Variants in GPC6 observed in about 807,000 individuals in gnomAD.
The protein encoded by GPC6 is glypican-6.
A neutral mutation model predicts 55.2 loss-of-function variants in GPC6; 14 were observed. That is an observed-to-expected ratio of 0.25 (90% CI 0.17 to 0.40). The LOEUF is 0.40. Among genes scored for constraint, GPC6 ranks in the 10% least tolerant of loss-of-function variants. GPC6 has a pLI of 1.00. For synonymous variants in GPC6, 278 were observed against 259.6 expected (o/e 1.07, Z -0.68); for missense variants, 641 against 708.5 (o/e 0.90, Z 1.08).
chr13:93,899,674 GA>G (rs1876237950), intron 3 of GPC6, among the ~76,000 whole-genome samples: 1 of 152,088 alleles, frequency 6.6e-6, no homozygotes, highest in Admixed American at 6.6e-5. Context: ...ACTCGTAAAC[GA>G]CATGATTGAC....
chr13:94,019,095 T>A (rs1167906411), intron 3 of GPC6, among the ~76,000 whole-genome samples: 2 of 152,210 alleles, frequency 1.3e-5, no homozygotes, highest in Non-Finnish European at 2.9e-5. Context: ...TAGGAAGTGT[T>A]ACCTCATCTT....
At chr13:93,336,104 CTG>C (rs540678782) in intron 1 of GPC6, among the ~76,000 whole-genome samples, 99 of 152,290 alleles carry the variant, frequency 6.5e-4, no homozygotes, top group African/African-American at 2.4e-3. Context: ...GTGTTTAACA[CTG>C]TTTATCAACA....
chr13:94,265,981 A>G (rs567573148), intron 4 of GPC6, among the ~76,000 whole-genome samples: 14 of 152,236 alleles, frequency 9.2e-5, no homozygotes, highest in African/African-American at 2.9e-4. Flanking sequence ...CTAGAGCCCA[A>G]CTGTCTTCTC....
At position 94,403,103 on chromosome 13, in the gene GPC6, C is replaced by T. The variant is rs1030400337; in HGVS notation, c.1554C>T (p.Pro518=). 2.5e-5 allele frequency: 41 copies of T among 1,613,574 alleles called. No homozygotes were observed. Among genetic ancestry groups the T allele is most frequent in the Middle Eastern group, 1.7e-4 (1 of 6,060 alleles). ...TTGAGTTTGTCACCACAGAGGCCCC[C>T]GCAGTGGATCCCGACCGGAGAGAGG... The part of the protein sequence containing the change: ...TEFEFVTTEA[P]AVDPDRREVD... The change falls in exon 9 of 9, where the codon CCC becomes CCT. Residue 518 remains proline (P), a synonymous_variant. Transcript: ENST00000377047.
chr13:94,201,534 C>T (rs1889748406), intron 4 of GPC6, among the ~76,000 whole-genome samples: 1 of 152,120 alleles, frequency 6.6e-6, no homozygotes, highest in Non-Finnish European at 1.5e-5. Flanking sequence ...TTCTTTTTCA[C>T]TTTTCCGATC....
chr13:93,745,612 T>C (rs969075269), intron 2 of GPC6, among the ~76,000 whole-genome samples: 5 of 152,326 alleles, frequency 3.3e-5, no homozygotes, highest in African/African-American at 9.6e-5. Context: ...GAAGAAACTG[T>C]ACTTCAAATT....
intron 4 of GPC6, among the ~76,000 whole-genome samples, chr13:94,272,463 C>CTTTTTTTTT (rs555664508): frequency 7.8e-4 from 67 of 85,740 alleles, no homozygotes; most frequent in Non-Finnish European, 1.0e-3. Context: ...CTTTTCTTTT[C>CTTTTTTTTT]TTTTTTTTTT....
intron 8 of GPC6, among the ~76,000 whole-genome samples, 184 bp from the exon 9 acceptor site, chr13:94,402,831 A>G (rs1157493509): frequency 6.6e-6 from 1 of 152,120 alleles, no homozygotes. Context: ...ATCTCGTGAG[A>G]ACTCACTCAC....
intron 5 of GPC6, among the ~76,000 whole-genome samples, chr13:94,287,616 T>G (rs1290218609): frequency 2.0e-5 from 3 of 152,102 alleles, no homozygotes; most frequent in Admixed American, 6.6e-5. Flanking sequence ...TAAGCCTTTT[T>G]GGGGGTTTTA....
At chr13:93,888,079 G>A (rs1300231246) in intron 3 of GPC6, among the ~76,000 whole-genome samples, 1 of 152,062 alleles carries the variant, frequency 6.6e-6, no homozygotes, top group Non-Finnish European at 1.5e-5. Context: ...TGAATACTAG[G>A]AAGTCCTTTT....
intron 2 of GPC6, among the ~76,000 whole-genome samples, chr13:93,766,524 A>C (rs1885135238): frequency 6.6e-6 from 1 of 152,160 alleles, no homozygotes; most frequent in Non-Finnish European, 1.5e-5. Context: ...GTAAATAAAT[A>C]AATGAAAATA....
At chr13:93,944,703 A>T (rs543449024) in intron 3 of GPC6, among the ~76,000 whole-genome samples, 1 of 152,178 alleles carries the variant, frequency 6.6e-6, no homozygotes. Context: ...TAGTTGCGCT[A>T]TATCCTGCTG....
chr13:94,303,430 A>G (rs1875770896), intron 5 of GPC6, among the ~76,000 whole-genome samples: 1 of 152,168 alleles, frequency 6.6e-6, no homozygotes, highest in African/African-American at 2.4e-5. Flanking sequence ...AGGATTCTTA[A>G]TCGGCCTAGG....
chr13:93,882,372 C>A (rs1875045859), intron 3 of GPC6, among the ~76,000 whole-genome samples: 1 of 151,960 alleles, frequency 6.6e-6, no homozygotes, highest in South Asian at 2.1e-4. Flanking sequence ...GTCTCAAACT[C>A]CTGGGCTCAA....
At chr13:94,044,034 C>G (rs1046200902) in intron 4 of GPC6, among the ~76,000 whole-genome samples, 1 of 151,650 alleles carries the variant, frequency 6.6e-6, no homozygotes, top group Admixed American at 6.6e-5. Context: ...GGATATGAAG[C>G]ATTACTGTAG....
At chr13:93,487,752 G>A (rs868629747) in intron 1 of GPC6, among the ~76,000 whole-genome samples, 2 of 152,096 alleles carry the variant, frequency 1.3e-5, no homozygotes, top group African/African-American at 2.4e-5. Context: ...AAGCAGTAAC[G>A]TGAAATCCGC....
chr13:93,862,691 A>G (rs543323797), intron 3 of GPC6, among the ~76,000 whole-genome samples: 32 of 151,784 alleles, frequency 2.1e-4, no homozygotes, highest in African/African-American at 7.7e-4. Context: ...ATTAGTTGCC[A>G]CTGTATATAA....
chr13:93,427,800 G>C (rs920169937), intron 1 of GPC6, among the ~76,000 whole-genome samples: 1 of 152,112 alleles, frequency 6.6e-6, no homozygotes, highest in East Asian at 1.9e-4. Context: ...ATGAGTGCAC[G>C]ATGGTTGTGA....
chr13:94,371,475 G>A (rs1409700246), intron 6 of GPC6, among the ~76,000 whole-genome samples: 5 of 152,114 alleles, frequency 3.3e-5, no homozygotes, highest in Admixed American at 2.6e-4. Flanking sequence ...TTTACTAGAT[G>A]TGTGGCAAGT....
Sources: gnomAD v4.1 joint callset for allele counts (sites outside exome capture counted in the v4.1 genomes callset) on GRCh38, gnomAD v4.1.1 for gene constraint, MANE v1.5 for transcripts, NCBI Gene and HGNC (gene_info 2026-07-23, HGNC 2026-07-21) for gene names.